The following FGF14 variants were observed in gnomAD, a reference collection of about 807,000 sequenced individuals.
The protein encoded by FGF14 is fibroblast growth factor homologous factor 4.
FGF14 carries 5 observed loss-of-function variants against 25.5 expected under a neutral mutation model. That is an observed-to-expected ratio of 0.20 (90% CI 0.10 to 0.41). The LOEUF (loss-of-function observed/expected upper bound fraction) is 0.41, where lower values mean the gene tolerates loss of function less well. FGF14 is among the 10% of genes least tolerant of loss of function. The pLI is 1.00. For synonymous variants in FGF14, 138 were observed against 118.3 expected, an observed-to-expected ratio of 1.17 and a Z score of -1.08; for missense variants, 222 against 320.1, an observed-to-expected ratio of 0.69 and a Z score of 2.34.
intron 1 of FGF14, among the ~76,000 whole-genome samples, chr13:102,374,777 A>G (rs1162663549): frequency 1.4e-5 from 2 of 147,314 alleles, no homozygotes; most frequent in Non-Finnish European, 3.0e-5. Context: ...AACCAAATCA[A>G]TTTCTTCTGG....
intron 1 of FGF14, among the ~76,000 whole-genome samples, chr13:101,932,292 G>T (rs1170198711): frequency 6.6e-6 from 1 of 152,080 alleles, no homozygotes; most frequent in Non-Finnish European, 1.5e-5. Context: ...CACTTTGGGA[G>T]GCCTAGGTGG....
rs2057736182 is a variant in FGF14, at chr13:102,367,080, C to T, written c.208+34391G>A. On this transcript the variant is annotated intron_variant, in intron 1 of 4. Transcript: ENST00000376131. Reference sequence around the variant, plus strand: ...TCTATTACCACATAATAAATTACCCCAAAACTTAGCTTCTTAAAATGGCAG... The same window carrying T: ...TCTATTACCACATAATAAATTACCCTAAAACTTAGCTTCTTAAAATGGCAG... Among the ~76,000 whole-genome samples, 3 of 152,124 alleles carry T rather than the reference C, an allele frequency of 2.0e-5. No homozygotes were observed. The South Asian group carries it at 6.2e-4, about 32-fold the overall frequency.
chr13:101,932,468 G>A (rs1021589461), intron 1 of FGF14, among the ~76,000 whole-genome samples: 7 of 147,448 alleles, frequency 4.7e-5, no homozygotes, highest in Admixed American at 3.6e-4. Flanking sequence ...GCGAGTCGGA[G>A]GTTGCAGTGA....
intron 1 of FGF14, among the ~76,000 whole-genome samples, chr13:102,059,911 A>T (rs1481549322): frequency 6.6e-6 from 1 of 151,306 alleles, no homozygotes; most frequent in Middle Eastern, 3.2e-3. Context: ...AACAAAACAA[A>T]CAAACAAACA....
chr13:101,950,428 C>T (rs1233575238), intron 1 of FGF14, among the ~76,000 whole-genome samples: 1 of 152,164 alleles, frequency 6.6e-6, no homozygotes, highest in East Asian at 1.9e-4. Flanking sequence ...TAATCTTCTT[C>T]ATTAGTTAGT....
At chr13:102,236,321 A>C (rs2051326330) in intron 1 of FGF14, among the ~76,000 whole-genome samples, 1 of 152,218 alleles carries the variant, frequency 6.6e-6, no homozygotes, top group Non-Finnish European at 1.5e-5. Context: ...CAGATCAGGG[A>C]TGAGAACAGG....
At chr13:102,100,634 C>T (rs867519526) in intron 1 of FGF14, among the ~76,000 whole-genome samples, 15 of 152,172 alleles carry the variant, frequency 9.9e-5, no homozygotes, top group Non-Finnish European at 2.9e-5. Context: ...CAAGTTGGTT[C>T]TTGGAAGCAG....
chr13:101,800,400 GATA>G (rs2040803057), intron 3 of FGF14, among the ~76,000 whole-genome samples: 1 of 152,098 alleles, frequency 6.6e-6, no homozygotes, highest in Non-Finnish European at 1.5e-5. Flanking sequence ...GTAATAATGT[GATA>G]ATATTCATAT....
intron 3 of FGF14, among the ~76,000 whole-genome samples, chr13:101,783,920 T>A (rs1007347593): frequency 1.3e-5 from 2 of 152,192 alleles, no homozygotes; most frequent in African/African-American, 4.8e-5. Context: ...CCCAGCACCA[T>A]TGACTGACTA....
chr13:101,825,139 T>C (rs1161001052), intron 3 of FGF14, among the ~76,000 whole-genome samples: 3 of 152,194 alleles, frequency 2.0e-5, no homozygotes, highest in Admixed American at 1.3e-4. Context: ...TTACAGCTGG[T>C]CGGTCAGCAG....
intron 3 of FGF14, among the ~76,000 whole-genome samples, chr13:101,773,102 T>TA: frequency 6.6e-6 from 1 of 152,280 alleles, no homozygotes; most frequent in East Asian, 1.9e-4. Context: ...TTCCTTCCTT[T>TA]AGTGAAGCAG....
chr13:102,308,942 A>C lies in FGF14; in HGVS notation c.208+92529T>G, dbSNP rs370134841. ...AAAAAAAAAAAAAAAAAACACAAAA[A>C]AAACAGACCCTAGAAAAAGAGCACT... On this transcript the variant is annotated intron_variant, in intron 1 of 4. Coordinates refer to the FGF14 transcript ENST00000376131. 1.3e-3 allele frequency among the ~76,000 whole-genome samples: 204 copies of C among 151,894 alleles called. 1 individual carries two copies. Among genetic ancestry groups the C allele is most frequent in the African/African-American group, 4.5e-3 (186 of 41,420 alleles).
At chr13:101,736,227 T>C (rs1009663119) in intron 3 of FGF14, among the ~76,000 whole-genome samples, 1 of 152,146 alleles carries the variant, frequency 6.6e-6, no homozygotes, top group African/African-American at 2.4e-5. Flanking sequence ...CATAAGTGTA[T>C]ATATACATAA....
intron 1 of FGF14, among the ~76,000 whole-genome samples, chr13:102,156,344 G>C (rs1362126717): frequency 6.6e-6 from 1 of 152,154 alleles, no homozygotes; most frequent in Non-Finnish European, 1.5e-5. Context: ...TGGGATGCAA[G>C]GCTGGTTCAA....
At chr13:102,166,188 A>AG (rs2047999766) in intron 1 of FGF14, among the ~76,000 whole-genome samples, 1 of 147,888 alleles carries the variant, frequency 6.8e-6, no homozygotes, top group African/African-American at 2.7e-5. Context: ...ATTTAAAAAA[A>AG]AAAAGAAAAG....
chr13:102,398,660 A>G (rs2058634468), intron 1 of FGF14, among the ~76,000 whole-genome samples: 1 of 151,940 alleles, frequency 6.6e-6, no homozygotes, highest in East Asian at 1.9e-4. Context: ...TTTCATTTTA[A>G]TTACCCAATT....
intron 3 of FGF14, among the ~76,000 whole-genome samples, chr13:101,740,519 G>T (rs2036479720): frequency 6.6e-6 from 1 of 152,180 alleles, no homozygotes; most frequent in African/African-American, 2.4e-5. Context: ...AGGTCAGAAG[G>T]TCAGCACTAT....
At chr13:102,336,287 C>T (rs1305939310) in intron 1 of FGF14, among the ~76,000 whole-genome samples, 2 of 152,070 alleles carry the variant, frequency 1.3e-5, no homozygotes, top group South Asian at 2.1e-4. Flanking sequence ...AAAGTGAGAC[C>T]GCCTTATTGC....
intron 1 of FGF14, chr13:102,354,172 G>A (rs2057362566): frequency 1.3e-5 from 2 of 152,204 alleles, no homozygotes; most frequent in Non-Finnish European, 1.5e-5. Flanking sequence ...TCTTAAAGGA[G>A]TTCAGTTGGA....
Sources: allele counts gnomAD v4.1 joint callset (sites outside exome capture counted in the v4.1 genomes callset), GRCh38; gene constraint gnomAD v4.1.1; transcripts MANE v1.5; gene names NCBI Gene and HGNC (gene_info 2026-07-23, HGNC 2026-07-21).